ZNF618: variants seen among roughly 807,000 people sequenced by gnomAD.
The protein encoded by ZNF618 is zinc finger protein 618.
ZNF618 carries 34 observed loss-of-function variants against 103.0 expected under a neutral mutation model. The ratio of observed to expected loss-of-function variants is 0.33; its 90% CI spans 0.25 to 0.44. ZNF618 has a LOEUF of 0.44. Among genes scored for constraint, ZNF618 ranks in the 20% least tolerant of loss-of-function variants. The pLI is 1.00. For synonymous variants in ZNF618, 551 were observed against 542.2 expected, an observed-to-expected ratio of 1.02 and a Z score of -0.23; for missense variants, 1,059 against 1,295.4, an observed-to-expected ratio of 0.82 and a Z score of 2.80.
intron 3 of ZNF618, 64 bp from the exon 4 acceptor site, chr9:113,998,195 C>T (rs922181577): frequency 4.7e-6 from 7 of 1,478,610 alleles, no homozygotes; most frequent in South Asian, 3.7e-5. Context: ...AACTTCGCCC[C>T]TTCCCTAACC....
At chr9:113,981,635 G>A (rs535828062) in intron 2 of ZNF618, among the ~76,000 whole-genome samples, 3 of 152,310 alleles carry the variant, frequency 2.0e-5, no homozygotes, top group Non-Finnish European at 2.9e-5. Flanking sequence ...GCATCAGGGC[G>A]GACTCTCCTC....
In ZNF618 at chr9:114,008,207, G is replaced by A; in HGVS notation, c.641-137G>A. On this transcript the variant is annotated intron_variant, in intron 7 of 14. Transcript: ENST00000374126. ...TTGGGGGGCTTCCACAGTGGCCACGGCAGCCCTCCTGGGCCCCAAGGCAAA... is the reference window on the plus strand; with the variant it reads ...TTGGGGGGCTTCCACAGTGGCCACGACAGCCCTCCTGGGCCCCAAGGCAAA... 6 of 1,215,356 alleles carry A rather than the reference G, an allele frequency of 4.9e-6. No homozygotes were observed. In the South Asian group the frequency reaches 9.2e-5, roughly 19 times the overall value. The allele number at this position is 1,215,356 out of a possible 1,614,324, so 75.3% of individuals were successfully genotyped here.
chr9:113,922,434 A>G (rs929525004), intron 1 of ZNF618, among the ~76,000 whole-genome samples: 1 of 149,736 alleles, frequency 6.7e-6, no homozygotes, highest in African/African-American at 2.5e-5. Context: ...AGTTATGTAC[A>G]CTGGCAGACA....
chr9:113,944,318 C>T lies in ZNF618; in HGVS notation c.34-24799C>T, dbSNP rs1245115129. ...TTTGAGACAGAGTCTTGCTCTGTTA[C>T]CTGGGCTGGAGTGCAGTGGCATGGT... On this transcript the variant is annotated intron_variant, in intron 1 of 14. Transcript: ENST00000374126. Among the ~76,000 whole-genome samples the T allele has an allele frequency of 3.3e-5, 5 of 152,164 alleles. No individual in the cohort carries two copies. In the East Asian group the frequency reaches 7.7e-4, roughly 23 times the overall value.
rs776808528 is a variant in ZNF618 at position 114,002,064 on chromosome 9, G to A, written c.502G>A (p.Ala168Thr). 1.3e-5 allele frequency: 21 copies of A among 1,613,100 alleles called. No homozygotes were observed. Among genetic ancestry groups the A allele is most frequent in the Non-Finnish European group, 8.5e-7 (1 of 1,179,786 alleles). ...YYNCFQTHVR[A>T]HRDTEATSGE... ...CAACTGCTTCCAGACCCACGTGCGG[G>A]CGCACCGAGGTGAGAGGAGTGTCCC... The change falls in exon 5 of 15, where the codon GCG becomes ACG. Residue 168 changes from alanine (A) to threonine (T), a missense_variant. Ala to Thr is a moderately conservative substitution (Grantham distance 58). Transcript: ENST00000374126.
At chr9:114,036,522 CCCCAG>C in intron 13 of ZNF618, 145 bp downstream of exon 13, 1 of 840,432 alleles carries the variant, frequency 1.2e-6, no homozygotes, top group Non-Finnish European at 1.9e-6. Context: ...TTGCAGGGAG[CCCCAG>C]TCAGTCAGTT....
chr9:113,969,006 T>C, intron 1 of ZNF618, 111 bp from the exon 2 acceptor site: 1 of 1,270,852 alleles, frequency 7.9e-7, no homozygotes, highest in Admixed American at 1.7e-5. Context: ...TGTGGCCAGC[T>C]CACCCCACAG....
Position 113,967,123 on chromosome 9 carries a change from A to G in ZNF618, c.34-1994A>G, listed in dbSNP as rs1837482712. 2.0e-5 allele frequency among the ~76,000 whole-genome samples: 3 copies of G among 152,346 alleles called. No individual in the cohort carries two copies. The South Asian group carries it at 6.2e-4, about 32-fold the overall frequency. ...CTTTAAAAGTGTGTGTGACAAGCTA[A>G]AAATACACGCACAGAATTAAGTCTG... On this transcript the variant is annotated intron_variant, in intron 1 of 14. Coordinates refer to ENST00000374126, the MANE Select transcript of ZNF618 (RefSeq NM_001318042.2).
intron 1 of ZNF618, among the ~76,000 whole-genome samples, chr9:113,963,520 A>G (rs952115167): frequency 1.1e-4 from 16 of 152,114 alleles, no homozygotes; most frequent in Admixed American, 7.9e-4. Flanking sequence ...AGCCTGAAAA[A>G]TACTGACCAC....
At chr9:113,897,406 G>T (rs1253158091) in intron 1 of ZNF618, among the ~76,000 whole-genome samples, 3 of 152,134 alleles carry the variant, frequency 2.0e-5, no homozygotes, top group Non-Finnish European at 4.4e-5. Context: ...CCCATCCCCA[G>T]CCTTCCTGAA....
intron 1 of ZNF618, among the ~76,000 whole-genome samples, chr9:113,886,927 ATATAT>A (rs1280247555): frequency 6.6e-6 from 1 of 150,418 alleles, no homozygotes; most frequent in East Asian, 1.9e-4. Context: ...ATTAAATAAG[ATATAT>A]TATTAATACT....
intron 1 of ZNF618, among the ~76,000 whole-genome samples, chr9:113,910,226 G>A (rs1311338552): frequency 6.6e-6 from 1 of 152,122 alleles, no homozygotes; most frequent in Non-Finnish European, 1.5e-5. Flanking sequence ...TGGTGCCATG[G>A]CCTCCCAGAC....
intron 1 of ZNF618, among the ~76,000 whole-genome samples, chr9:113,916,343 C>G (rs558930022): frequency 7.2e-4 from 109 of 152,282 alleles, no homozygotes; most frequent in African/African-American, 2.5e-3. Flanking sequence ...CATCTTTCTG[C>G]TAGAGTTCAT....
intron 1 of ZNF618, among the ~76,000 whole-genome samples, chr9:113,967,031 C>T (rs1050121628): frequency 7.2e-5 from 11 of 152,184 alleles, no homozygotes; most frequent in Admixed American, 5.9e-4. Context: ...CACTCTGTCA[C>T]GTGTTTGCTG....
Position 113,951,427 on chromosome 9 carries a change from G to GTATATATATACATATA in ZNF618, c.34-17689_34-17688insATATATATACATATAT, listed in dbSNP as rs1554732831. Reference sequence around the variant, plus strand: ...CGTATATATACACACATATATGTGTGTGTGTATATATATACATATATGTGT... The same window carrying GTATATATATACATATA: ...CGTATATATACACACATATATGTGTGTATATATATACATATATGTGTATATATATACATATATGTGT... On this transcript the variant is annotated intron_variant, in intron 1 of 14. Coordinates refer to ENST00000374126, the MANE Select transcript of ZNF618 (RefSeq NM_001318042.2). Among the ~76,000 whole-genome samples, 71 of 69,860 alleles carry GTATATATATACATATA rather than the reference G, an allele frequency of 1.0e-3. 5 individuals are homozygous for GTATATATATACATATA. The highest frequency in any genetic ancestry group is 1.2e-3 in the Non-Finnish European group (42 of 35,984). The allele number at this position is 69,860 out of a possible 152,430, so 45.8% of individuals were successfully genotyped here.
intron 1 of ZNF618, among the ~76,000 whole-genome samples, chr9:113,936,800 G>C (rs1330168): frequency 0.53 from 80,244 of 151,976 alleles, 21,577 homozygotes; most frequent in East Asian, 0.68. Flanking sequence ...TTTTAAAAAT[G>C]TGCTCTATTT....
chr9:113,898,789 G>A (rs1830263075), intron 1 of ZNF618, among the ~76,000 whole-genome samples: 1 of 152,202 alleles, frequency 6.6e-6, no homozygotes, highest in East Asian at 1.9e-4. Flanking sequence ...AATGAGGTGA[G>A]GCTGAGACTG....
At chr9:114,039,317 GTTTC>G (rs1455171626) in intron 13 of ZNF618, among the ~76,000 whole-genome samples, 1 of 150,034 alleles carries the variant, frequency 6.7e-6, no homozygotes, top group African/African-American at 2.5e-5. Context: ...ACCACACCTG[GTTTC>G]TTTCTTTCTT....
intron 9 of ZNF618, 76 bp from the exon 10 acceptor site, chr9:114,016,619 G>C (rs1842666582): frequency 1.7e-6 from 2 of 1,148,252 alleles, no homozygotes; most frequent in Admixed American, 2.0e-5. Flanking sequence ...GAGTTTTTTG[G>C]GGGGTGGGAG....
Sources: gnomAD v4.1 joint callset for allele counts (sites outside exome capture counted in the v4.1 genomes callset) on GRCh38, gnomAD v4.1.1 for gene constraint, MANE v1.5 for transcripts, NCBI Gene and HGNC (gene_info 2026-07-23, HGNC 2026-07-21) for gene names.